The following PTPRR variants were observed in gnomAD, a reference collection of about 807,000 sequenced individuals.
PTPRR encodes protein tyrosine phosphatase receptor type R.
Under a neutral mutation model 77.2 loss-of-function variants are expected in PTPRR, and 38 were observed. The observed-to-expected ratio is 0.49, with a 90% CI of 0.38 to 0.65. The LOEUF (loss-of-function observed/expected upper bound fraction) is 0.65, where lower values mean the gene tolerates loss of function less well. PTPRR is among the 30% of genes least tolerant of loss of function. The pLI is 0.00. For synonymous variants in PTPRR, 299 were observed against 283.1 expected, an observed-to-expected ratio of 1.06 and a Z score of -0.57; for missense variants, 744 against 799.2, an observed-to-expected ratio of 0.93 and a Z score of 0.83.
At chr12:70,648,840 G>C (rs535529061) in intron 13 of PTPRR, among the ~76,000 whole-genome samples, 24 of 151,692 alleles carry the variant, frequency 1.6e-4, no homozygotes, top group African/African-American at 5.8e-4. Flanking sequence ...TAAAACATTC[G>C]TGGGTGCCTT....
intron 2 of PTPRR, among the ~76,000 whole-genome samples, chr12:70,767,952 T>G (rs1429631750): frequency 6.6e-6 from 1 of 152,080 alleles, no homozygotes; most frequent in Non-Finnish European, 1.5e-5. Context: ...AATAAAGATG[T>G]TCTTTGAAAC....
intron 2 of PTPRR, among the ~76,000 whole-genome samples, chr12:70,825,964 A>G (rs973975857): frequency 1.3e-5 from 2 of 152,220 alleles, no homozygotes; most frequent in African/African-American, 4.8e-5. Flanking sequence ...TTAAGCTTTT[A>G]TAAGTCTTCA....
intron 2 of PTPRR, among the ~76,000 whole-genome samples, chr12:70,881,853 G>A (rs1893154371): frequency 6.6e-6 from 1 of 152,218 alleles, no homozygotes. Flanking sequence ...ACAGCGAGAA[G>A]AAGCAAATAT....
chr12:70,724,814 C>T (rs891652703), intron 6 of PTPRR, among the ~76,000 whole-genome samples: 24 of 150,490 alleles, frequency 1.6e-4, no homozygotes, highest in Non-Finnish European at 3.0e-4. Context: ...TATATATATA[C>T]ACACACACAC....
At chr12:70,883,755 T>C (rs940866826) in intron 2 of PTPRR, among the ~76,000 whole-genome samples, 2 of 152,020 alleles carry the variant, frequency 1.3e-5, no homozygotes, top group African/African-American at 2.4e-5. Context: ...GGAAAAAAAA[T>C]GAAAGGATTA....
intron 2 of PTPRR, among the ~76,000 whole-genome samples, chr12:70,817,869 C>A (rs982720054): frequency 1.3e-5 from 2 of 152,200 alleles, no homozygotes; most frequent in Non-Finnish European, 2.9e-5. Context: ...CTGAAATTAT[C>A]TTTTTAAAAT....
intron 10 of PTPRR, among the ~76,000 whole-genome samples, chr12:70,666,935 GTTTTTTTTTTTTTTTTTTTTTTTTTTTT>G (rs142691396): frequency 3.4e-5 from 1 of 29,052 alleles, no homozygotes; most frequent in African/African-American, 1.1e-4. Flanking sequence ...GTGTTTTTCT[GTTTTTTTTTTTTTTTTTTTTTTTTTTTT>G]TTTTTTTTTT....
intron 8 of PTPRR, among the ~76,000 whole-genome samples, chr12:70,692,476 T>A (rs553535937): frequency 2.0e-5 from 3 of 152,306 alleles, no homozygotes; most frequent in South Asian, 2.1e-4. Flanking sequence ...TGGGTTCTGG[T>A]TGCTCTACTT....
chr12:70,649,379 A>G (rs1333106384), intron 13 of PTPRR, among the ~76,000 whole-genome samples: 5 of 152,170 alleles, frequency 3.3e-5, no homozygotes, highest in Non-Finnish European at 1.5e-5. Flanking sequence ...GGGGTAGATT[A>G]TAAGAATAAG....
rs1290021419 is a variant in PTPRR at position 70,764,651 on chromosome 12, T to G, written c.471+14A>C. 5.7e-6 allele frequency: 9 copies of G among 1,591,660 alleles called. No homozygotes were observed. The highest frequency in any genetic ancestry group is 7.8e-6 in the Non-Finnish European group (9 of 1,159,738). On this transcript the variant is annotated intron_variant, in intron 3 of 13. Coordinates refer to ENST00000283228, the MANE Select transcript of PTPRR (RefSeq NM_002849.4). ...CGGCTTGAATTTTGGAAATGCGAAA[T>G]GTGGGTATCTTACAATGAGGCGATT...
intron 2 of PTPRR, among the ~76,000 whole-genome samples, chr12:70,801,149 T>C (rs1891608176): frequency 6.6e-6 from 1 of 152,170 alleles, no homozygotes; most frequent in Admixed American, 6.5e-5. Context: ...TTCCTCTAAT[T>C]GTACAAACTA....
intron 2 of PTPRR, among the ~76,000 whole-genome samples, chr12:70,788,201 A>G (rs1015959305): frequency 2.6e-5 from 4 of 152,218 alleles, no homozygotes; most frequent in African/African-American, 7.2e-5. Context: ...ATAAAAAACA[A>G]CAAAGCTGAG....
At chr12:70,882,329 G>C (rs527336790) in intron 2 of PTPRR, among the ~76,000 whole-genome samples, 108 of 152,264 alleles carry the variant, frequency 7.1e-4, no homozygotes, top group African/African-American at 2.4e-3. Context: ...AGCTATGATA[G>C]ATAGGAGGAG....
chr12:70,644,449 A>G (rs2136641853), intron 13 of PTPRR, among the ~76,000 whole-genome samples: 1 of 152,300 alleles, frequency 6.6e-6, no homozygotes, highest in Non-Finnish European at 1.5e-5. Context: ...GACAGCATAC[A>G]CTGTTGTCAA....
chr12:70,762,192 T>C (rs1041411397), intron 3 of PTPRR, among the ~76,000 whole-genome samples: 2 of 152,124 alleles, frequency 1.3e-5, no homozygotes, highest in Non-Finnish European at 1.5e-5. Flanking sequence ...ATGCATATCT[T>C]ATGTAGTGAT....
intron 2 of PTPRR, among the ~76,000 whole-genome samples, chr12:70,826,534 A>C (rs1892112184): frequency 6.6e-6 from 1 of 152,188 alleles, no homozygotes; most frequent in South Asian, 2.1e-4. Flanking sequence ...GCCCCATGAC[A>C]GGATGCATAC....
intron 10 of PTPRR, among the ~76,000 whole-genome samples, chr12:70,669,119 A>G (rs1035149115): frequency 3.9e-5 from 6 of 152,218 alleles, no homozygotes; most frequent in African/African-American, 1.2e-4. Context: ...CAGAATATAC[A>G]TCATAATACA....
intron 1 of PTPRR, among the ~76,000 whole-genome samples, chr12:70,917,348 A>G (rs1171135761): frequency 2.6e-5 from 4 of 152,182 alleles, no homozygotes; most frequent in African/African-American, 7.2e-5. Flanking sequence ...AATTTTATAT[A>G]GTATGCAACC....
chr12:70,845,050 A>G (rs982977360), intron 2 of PTPRR, among the ~76,000 whole-genome samples: 4 of 152,180 alleles, frequency 2.6e-5, no homozygotes, highest in Non-Finnish European at 4.4e-5. Context: ...CCAAAAGGAG[A>G]CTGGCTTTGA....
Sources: gnomAD v4.1 joint callset for allele counts (sites outside exome capture counted in the v4.1 genomes callset) on GRCh38, gnomAD v4.1.1 for gene constraint, MANE v1.5 for transcripts, NCBI Gene and HGNC (gene_info 2026-07-23, HGNC 2026-07-21) for gene names.